Variants in DSP observed in about 807,000 individuals in gnomAD.
DSP encodes the protein desmoplakin.
DSP carries 114 observed loss-of-function variants against 290.6 expected under a neutral mutation model. The ratio of observed to expected loss-of-function variants is 0.39; its 90% CI spans 0.34 to 0.46. DSP has a LOEUF of 0.46. Among genes scored for constraint, DSP ranks in the 20% least tolerant of loss-of-function variants. The pLI is 0.99. For synonymous variants in DSP, 1,311 were observed against 1,316.4 expected, an observed-to-expected ratio of 1.00 and a Z score of 0.09; for missense variants, 3,230 against 3,495.8, an observed-to-expected ratio of 0.92 and a Z score of 1.92.
rs542780569 is a variant in DSP at position 7,546,351 on chromosome 6, G to T, written c.170+4266G>T. ...CAAGATTTAGTTTAGCTTAATATAC[G>T]GCAGGTAACATTTACATGGTTATTA... On this transcript the variant is annotated intron_variant, in intron 1 of 23. Coordinates refer to ENST00000379802, the MANE Select transcript of DSP (RefSeq NM_004415.4). Among the ~76,000 whole-genome samples the T allele has an allele frequency of 2.0e-5, 3 of 152,184 alleles. No homozygotes were observed. The East Asian group carries it at 5.8e-4, about 29-fold the overall frequency.
chr6:7,547,652 G>T (rs534297777), intron 1 of DSP, among the ~76,000 whole-genome samples: 2 of 151,428 alleles, frequency 1.3e-5, no homozygotes, highest in Non-Finnish European at 2.9e-5. Flanking sequence ...GCCCAGGCTG[G>T]TCTTGAACTC....
In DSP at chr6:7,583,470, G is replaced by T. The variant is rs41302885; in HGVS notation, c.6208G>T (p.Asp2070Tyr). Residue 2070 changes from aspartate to tyrosine, a missense_variant, in exon 24 of 24, where the codon GAC becomes TAC. Asp to Tyr is a radical substitution (Grantham distance 160). This residue lies in a region of DSP where 1,714 missense variants were observed against 1,844.5 expected (regional missense o/e 0.93). Transcript: ENST00000379802. This position sits in a 1 kb window ranked among gnomAD's most constrained non-coding sequence, Gnocchi z 4.0. Reference protein sequence around the residue: ...DPHRNEKLTVDSAIARDLIDF... With the variant: ...DPHRNEKLTVYSAIARDLIDF... Reference sequence around the variant, plus strand: ...CCATCGGAATGAGAAGCTGACTGTCGACAGTGCCATAGCTCGGGACCTCAT... The same window carrying T: ...CCATCGGAATGAGAAGCTGACTGTCTACAGTGCCATAGCTCGGGACCTCAT... 6.2e-7 allele frequency: 1 copy of T among 1,614,150 alleles called. No homozygotes were observed. The highest frequency in any genetic ancestry group is 8.5e-7 in the Non-Finnish European group (1 of 1,180,030).
In DSP at chr6:7,565,288, C is replaced by T. The variant is rs1261380233; in HGVS notation, c.778-71C>T. The T allele has an allele frequency of 1.9e-6, 3 of 1,571,290 alleles. No homozygotes were observed. The highest frequency in any genetic ancestry group is 2.6e-6 in the Non-Finnish European group (3 of 1,146,016). On this transcript the variant is annotated intron_variant, in intron 6 of 23. Coordinates refer to ENST00000379802, the MANE Select transcript of DSP (RefSeq NM_004415.4). The surrounding 1 kb of genome is among the most constrained non-coding windows in gnomAD (Gnocchi z 4.2). ...TTTTTAAAGGGACCACAGGTTTAAT[C>T]TTTAAACCTGCAGAGAACACCAGTC...
chr6:7,566,383 A>C lies in DSP; in HGVS notation c.946A>C (p.Met316Leu), dbSNP rs201672777. ...AQKQEAFSIRMSQLEVKEKEL... is the reference protein window; with the variant it reads ...AQKQEAFSIRLSQLEVKEKEL... ...CTTATTTCTTCATTCACAGATACGC[A>C]TGAGTCAACTGGAAGTTAAAGAAAA... The change falls in exon 8 of 24, where the codon ATG becomes CTG. Residue 316 changes from methionine (M) to leucine (L), a missense_variant. By Grantham distance (15) the Met-to-Leu change is conservative. This residue lies in a region of DSP where 646 missense variants were observed against 684.3 expected (regional missense o/e 0.94). Transcript: ENST00000379802. 1 of 1,613,238 alleles carries C rather than the reference A, an allele frequency of 6.2e-7. No individual in the cohort carries two copies. Among genetic ancestry groups the C allele is most frequent in the East Asian group, 2.2e-5 (1 of 44,874 alleles).
Position 7,585,814 on chromosome 6 carries a change from A to G in DSP, c.8552A>G (p.Asp2851Gly), listed in dbSNP as rs1377866897. The change falls in exon 24 of 24, where the codon GAC becomes GGC. Residue 2851 changes from aspartate to glycine, a missense_variant. By Grantham distance (94) the Asp-to-Gly change is moderately conservative. Around this residue, in one of 5 missense-constraint regions of DSP, gnomAD observed 582 missense variants for 555.4 expected, o/e 1.05. Transcript: ENST00000379802. ...SRSGSRRGSF[D>G]ATGNSSYSYS... ...AGTGGGTCCCGGAGAGGAAGCTTTG[A>G]CGCCACAGGGAATTCTTCCTACTCT... is the stretch of plus-strand genomic sequence containing the variant. The G allele has an allele frequency of 9.9e-6, 16 of 1,611,090 alleles. No homozygotes were observed. The highest frequency in any genetic ancestry group is 1.4e-5 in the Non-Finnish European group (16 of 1,179,306).
At chr6:7,572,347 G>A (rs1394092923) in intron 15 of DSP, among the ~76,000 whole-genome samples, 1 of 152,180 alleles carries the variant, frequency 6.6e-6, no homozygotes, top group East Asian at 1.9e-4. Context: ...AACAACCTAT[G>A]ATATGGGTTA....
rs370890663 is a variant in DSP at position 7,565,378 on chromosome 6, T to C, written c.797T>C (p.Met266Thr). The C allele has an allele frequency of 3.1e-6, 5 of 1,614,004 alleles. No homozygotes were observed. In the African/African-American group the frequency reaches 5.3e-5, roughly 17 times the overall value. The change falls in exon 7 of 24, where the codon ATG (methionine) becomes ACG (threonine). Residue 266 changes from methionine to threonine, a missense_variant. By Grantham distance (81) the Met-to-Thr change is moderately conservative (BLOSUM62 -1). Coordinates refer to ENST00000379802, the MANE Select transcript of DSP (RefSeq NM_004415.4). This position sits in a 1 kb window ranked among gnomAD's most constrained non-coding sequence, Gnocchi z 4.2. ...ENLLKASFER[M>T]DHLRQLQNII... The stretch of plus-strand genomic sequence containing the variant: ...GTGCAGAAAGCGTCCTTTGAGAGGA[T>C]GGATCACCTGCGACAGCTGCAGAAC...
intron 12 of DSP, 70 bp from the exon 13 acceptor site, chr6:7,570,367 G>T: frequency 6.2e-7 from 1 of 1,612,286 alleles, no homozygotes; most frequent in Non-Finnish European, 8.5e-7. Flanking sequence ...GTGTGAGCGT[G>T]TCCAGGTTTC....
At chr6:7,569,105 T>C in intron 11 of DSP, 81 bp from the exon 12 acceptor site, 1 of 1,593,634 alleles carries the variant, frequency 6.3e-7, no homozygotes, top group Non-Finnish European at 8.6e-7. Flanking sequence ...CATGTGTTCA[T>C]CTCTGTTTCC....
intron 1 of DSP, among the ~76,000 whole-genome samples, chr6:7,542,838 TTCC>T (rs1758044680): frequency 6.6e-6 from 1 of 152,130 alleles, no homozygotes; most frequent in African/African-American, 2.4e-5. Flanking sequence ...AGCCTTTTGT[TTCC>T]TCCTTTTTAA....
chr6:7,541,848 G>T lies in DSP; in HGVS notation c.-68G>T. On this transcript the variant is annotated 5_prime_UTR_variant, in exon 1 of 24. Transcript: ENST00000379802. The stretch of plus-strand genomic sequence containing the variant: ...CGTCCGCCTATCCTTGGCCCCCTCC[G>T]CTTTCTCCGCGCCGGCCCGCCTCGC... 6.5e-7 allele frequency: 1 copy of T among 1,531,718 alleles called. No individual in the cohort carries two copies. 94.9% of individuals were successfully genotyped at this position (1,531,718 alleles called of 1,614,324 possible).
rs2113665201 is a variant in DSP at position 7,562,720 on chromosome 6, G to T, written c.666G>T (p.Arg222=). 2.5e-6 allele frequency: 4 copies of T among 1,614,120 alleles called. No individual in the cohort carries two copies. The highest frequency in any genetic ancestry group is 3.4e-6 in the Non-Finnish European group (4 of 1,180,018). Residue 222 remains arginine (R), a synonymous_variant, in exon 5 of 24, where the codon CGG becomes CGT. Transcript: ENST00000379802. The part of the protein sequence containing the change: ...ASVEQHINSH[R]GIHNSIGDYR... ...TGGAGCAGCACATTAACAGCCACCG[G>T]GGCATCCACAACTCCATCGGCGACT... is the stretch of plus-strand genomic sequence containing the variant.
chr6:7,559,529 G>T (rs183496941), intron 4 of DSP, 129 bp downstream of exon 4: 3 of 1,144,722 alleles, frequency 2.6e-6, no homozygotes, highest in Non-Finnish European at 2.6e-6. Flanking sequence ...GCTGTTTGCA[G>T]GATTTTCCTC....
intron 8 of DSP, 103 bp from the exon 9 acceptor site, chr6:7,567,251 T>C: frequency 1.1e-6 from 1 of 932,702 alleles, no homozygotes; most frequent in South Asian, 1.3e-5. Flanking sequence ...TAGAATGAGA[T>C]AAAAACTGCT....
chr6:7,581,693 A>T, intron 23 of DSP, 124 bp downstream of exon 23: 1 of 1,327,140 alleles, frequency 7.5e-7, no homozygotes, highest in Non-Finnish European at 1.0e-6. Context: ...TTTTCTTTTT[A>T]TTGCTCTACT....
At position 7,576,968 on chromosome 6, in the gene DSP, A is replaced by G. The variant is rs571791939; in HGVS notation, c.2803A>G (p.Ser935Gly). ...RFLNEQKNLH[S>G]EISGKRDKSE... ...TTCACTTTTTGTATAGAACTTGCAC[A>G]GTGAAATATCTGGCAAACGAGACAA... Residue 935 changes from serine to glycine, a missense_variant, in exon 20 of 24, where the codon AGT becomes GGT. Physicochemically the swap from Ser to Gly is moderately conservative, Grantham distance 56 (BLOSUM62 0). Transcript: ENST00000379802. 1 of 1,613,458 alleles carries G rather than the reference A, an allele frequency of 6.2e-7. No individual in the cohort carries two copies. The highest frequency in any genetic ancestry group is 2.2e-5 in the East Asian group (1 of 44,818).
intron 15 of DSP, among the ~76,000 whole-genome samples, chr6:7,573,397 T>C (rs971125655): frequency 1.3e-5 from 2 of 151,952 alleles, no homozygotes; most frequent in African/African-American, 4.8e-5. Flanking sequence ...ACCAACATGG[T>C]GAAACCCCAT....
intron 1 of DSP, among the ~76,000 whole-genome samples, chr6:7,554,326 C>T (rs902537155): frequency 2.0e-5 from 3 of 152,154 alleles, no homozygotes; most frequent in Non-Finnish European, 4.4e-5. Flanking sequence ...ATTTAAAAGC[C>T]AGACTTTGGT....
intron 1 of DSP, among the ~76,000 whole-genome samples, chr6:7,544,953 A>G (rs1010300697): frequency 6.6e-6 from 1 of 152,226 alleles, no homozygotes; most frequent in African/African-American, 2.4e-5. Context: ...TGGATAGGAC[A>G]TTATATTAAT....
Sources: allele counts gnomAD v4.1 joint callset (sites outside exome capture counted in the v4.1 genomes callset), GRCh38; gene constraint gnomAD v4.1.1; regional missense constraint gnomAD v4.1.1; non-coding constraint Gnocchi (gnomAD v3.1); transcripts MANE v1.5; gene names NCBI Gene and HGNC (gene_info 2026-07-23, HGNC 2026-07-21).